FRMD4A: variants seen among roughly 807,000 people sequenced by gnomAD.
FRMD4A encodes the protein FERM domain-containing protein 4A.
A neutral mutation model predicts 129.1 loss-of-function variants in FRMD4A; 29 were observed. The observed-to-expected ratio is 0.22, with a 90% CI of 0.17 to 0.31. The LOEUF is 0.31. FRMD4A is among the 10% of genes least tolerant of loss of function. FRMD4A has a pLI of 1.00. For synonymous variants in FRMD4A, 634 were observed against 571.6 expected (o/e 1.11, Z -1.56); for missense variants, 1,272 against 1,375.8 (o/e 0.92, Z 1.19).
chr10:14,120,188 G>A (rs1028942161), intron 2 of FRMD4A, among the ~76,000 whole-genome samples: 1 of 151,836 alleles, frequency 6.6e-6, no homozygotes, highest in Non-Finnish European at 1.5e-5. Flanking sequence ...ACCACCATTC[G>A]GCCTACCGAC....
intron 2 of FRMD4A, among the ~76,000 whole-genome samples, chr10:14,228,806 C>T (rs184692686): frequency 4.7e-4 from 71 of 151,938 alleles, no homozygotes; most frequent in African/African-American, 1.4e-3. Flanking sequence ...TAATTTCTGA[C>T]ATGAAGAAAA....
At chr10:14,021,580 A>G (rs1306235697) in intron 2 of FRMD4A, among the ~76,000 whole-genome samples, 1 of 151,866 alleles carries the variant, frequency 6.6e-6, no homozygotes, top group East Asian at 1.9e-4. Context: ...AATACAATAA[A>G]ATAAAAATAA....
intron 2 of FRMD4A, among the ~76,000 whole-genome samples, chr10:14,131,957 T>G (rs758042183): frequency 8.5e-5 from 13 of 152,190 alleles, no homozygotes; most frequent in Non-Finnish European, 1.9e-4. Flanking sequence ...TCTACAGTCA[T>G]GCCGGCAATT....
chr10:14,113,372 A>G (rs367795200), intron 2 of FRMD4A, among the ~76,000 whole-genome samples: 2 of 152,106 alleles, frequency 1.3e-5, no homozygotes, highest in African/African-American at 4.8e-5. Flanking sequence ...ACTTCCACCT[A>G]ATGAGTAGAA....
intron 2 of FRMD4A, among the ~76,000 whole-genome samples, chr10:14,185,698 A>G (rs1043170712): frequency 1.3e-5 from 2 of 152,228 alleles, no homozygotes; most frequent in Admixed American, 6.5e-5. Flanking sequence ...CAGCAGCTCA[A>G]CAGTGGCACC....
chr10:13,666,019 A>G, intron 18 of FRMD4A, 78 bp downstream of exon 18: 1 of 810,734 alleles, frequency 1.2e-6, no homozygotes, highest in Non-Finnish European at 2.2e-6. Flanking sequence ...TCGTGCAGGG[A>G]CCACTCGTGG....
chr10:13,887,445 C>T (rs1400738316), intron 2 of FRMD4A, among the ~76,000 whole-genome samples: 2 of 152,184 alleles, frequency 1.3e-5, no homozygotes, highest in Admixed American at 1.3e-4. Flanking sequence ...CTTTGGGAGG[C>T]TGAGGTGGGC....
At chr10:14,108,672 C>T (rs150781490) in intron 2 of FRMD4A, among the ~76,000 whole-genome samples, 3 of 152,236 alleles carry the variant, frequency 2.0e-5, no homozygotes, top group Non-Finnish European at 2.9e-5. Flanking sequence ...GGAGAAAGAA[C>T]ACACTTAAAG....
At chr10:13,948,891 C>G (rs1408836755) in intron 2 of FRMD4A, among the ~76,000 whole-genome samples, 1 of 151,844 alleles carries the variant, frequency 6.6e-6, no homozygotes, top group Non-Finnish European at 1.5e-5. Context: ...ATGTCGTGGT[C>G]TGCCCGCCTC....
intron 9 of FRMD4A, among the ~76,000 whole-genome samples, chr10:13,747,110 T>C (rs1275678964): frequency 3.3e-5 from 5 of 151,396 alleles, no homozygotes; most frequent in African/African-American, 9.7e-5. Context: ...TAGCAGCACA[T>C]GAAAGGCTCT....
At chr10:13,695,369 G>T (rs1190328086) in intron 14 of FRMD4A, among the ~76,000 whole-genome samples, 1 of 152,154 alleles carries the variant, frequency 6.6e-6, no homozygotes, top group Non-Finnish European at 1.5e-5. Flanking sequence ...TCAAACTCCT[G>T]ACCTCAGGTG....
intron 2 of FRMD4A, among the ~76,000 whole-genome samples, chr10:14,286,895 C>T (rs552202209): frequency 3.9e-5 from 6 of 152,174 alleles, no homozygotes; most frequent in East Asian, 1.9e-4. Context: ...TTAGGAATCT[C>T]GTTGCCCCTG....
chr10:13,770,220 A>T (rs998121129), intron 6 of FRMD4A, among the ~76,000 whole-genome samples: 1 of 152,088 alleles, frequency 6.6e-6, no homozygotes, highest in Non-Finnish European at 1.5e-5. Context: ...GACTGATGCG[A>T]TCTCGCACAA....
chr10:14,117,573 G>C (rs1054522158), intron 2 of FRMD4A, among the ~76,000 whole-genome samples: 2 of 152,222 alleles, frequency 1.3e-5, no homozygotes, highest in African/African-American at 4.8e-5. Context: ...AATGAGAAGA[G>C]AAAGGAGGCC....
At chr10:13,720,764 A>C (rs1199088433) in intron 12 of FRMD4A, among the ~76,000 whole-genome samples, 1 of 152,200 alleles carries the variant, frequency 6.6e-6, no homozygotes, top group Admixed American at 6.5e-5. Context: ...AAAGCTGGGC[A>C]GCTATGTGAG....
chr10:14,226,256 T>C (rs1280626447), intron 2 of FRMD4A, among the ~76,000 whole-genome samples: 1 of 152,078 alleles, frequency 6.6e-6, no homozygotes, highest in Non-Finnish European at 1.5e-5. Flanking sequence ...TGGGTGTGAG[T>C]TATGTGCAGA....
intron 15 of FRMD4A, chr10:13,684,601 C>G: frequency 1.0e-6 from 1 of 985,384 alleles, no homozygotes; most frequent in Non-Finnish European, 1.2e-6. Flanking sequence ...AGAAATGCTC[C>G]AATTGTTCAG....
chr10:14,122,214 G>C (rs952445154), intron 2 of FRMD4A, among the ~76,000 whole-genome samples: 12 of 152,280 alleles, frequency 7.9e-5, no homozygotes, highest in African/African-American at 2.4e-4. Context: ...TGCATATAAA[G>C]CATCACATAA....
At chr10:14,245,900 C>A (rs1844218330) in intron 2 of FRMD4A, among the ~76,000 whole-genome samples, 1 of 152,174 alleles carries the variant, frequency 6.6e-6, no homozygotes, top group African/African-American at 2.4e-5. Flanking sequence ...GGAGCCAGAC[C>A]AACTCTGAAA....
Sources: gnomAD v4.1 joint callset for allele counts (sites outside exome capture counted in the v4.1 genomes callset) on GRCh38, gnomAD v4.1.1 for gene constraint, MANE v1.5 for transcripts, NCBI Gene and HGNC (gene_info 2026-07-23, HGNC 2026-07-21) for gene names.